FRMD4B: variants seen among roughly 807,000 people sequenced by gnomAD.
The protein encoded by FRMD4B is FERM domain containing 4B.
In FRMD4B, 74 loss-of-function variants were observed where a neutral mutation model predicts 141.5. The observed-to-expected ratio is 0.52, with a 90% CI of 0.43 to 0.63. FRMD4B has a LOEUF of 0.63. Among genes scored for constraint, FRMD4B ranks in the 30% least tolerant of loss-of-function variants. The probability of loss-of-function intolerance (pLI) is 0.00; values close to 1 mark genes in which losing one functional copy is unlikely to be tolerated. For synonymous variants in FRMD4B, 506 were observed against 467.9 expected (o/e 1.08, Z -1.05); for missense variants, 1,366 against 1,253.4 (o/e 1.09, Z -1.36).
chr3:69,287,804 T>C lies in FRMD4B; in HGVS notation c.449A>G (p.Asp150Gly), dbSNP rs1700740180. The C allele has an allele frequency of 6.3e-7, 1 of 1,598,410 alleles. No homozygotes were observed. ...GAAAAACAGCTCCACGGTGGTTTTA[T>C]CCTTTAAAAACGATATGCTCTCAAT... Reference protein sequence around the residue: ...FYIESISFLKDKTTVELFFLN... With the variant: ...FYIESISFLKGKTTVELFFLN... Residue 150 changes from aspartate to glycine, a missense_variant, in exon 5 of 23, where the codon GAT becomes GGT. Physicochemically the swap from Asp to Gly is moderately conservative, Grantham distance 94. Coordinates refer to ENST00000398540, the MANE Select transcript of FRMD4B (RefSeq NM_015123.3).
At chr3:69,335,262 C>G (rs917685779) in intron 1 of FRMD4B, among the ~76,000 whole-genome samples, 1 of 151,946 alleles carries the variant, frequency 6.6e-6, no homozygotes, top group Non-Finnish European at 1.5e-5. Flanking sequence ...TCAGCCTTGG[C>G]AGATCTGAGA....
At chr3:69,390,036 CAT>C (rs1393301456), upstream of FRMD4B, among the ~76,000 whole-genome samples, 5 of 152,080 alleles carry the variant, frequency 3.3e-5, no homozygotes, top group Non-Finnish European at 7.3e-5. Context: ...CAGCATTACT[CAT>C]ACACCTGGGA....
At chr3:69,481,652 C>G (rs1356099328) in intron 1 of FRMD4B, among the ~76,000 whole-genome samples, 1 of 152,192 alleles carries the variant, frequency 6.6e-6, no homozygotes, top group Non-Finnish European at 1.5e-5. Context: ...TTCTGGCTCA[C>G]TGACTTTTCC....
intron 2 of FRMD4B, among the ~76,000 whole-genome samples, chr3:69,416,813 G>A (rs1256436507): frequency 6.6e-6 from 1 of 152,106 alleles, no homozygotes; most frequent in East Asian, 1.9e-4. Flanking sequence ...TTGGTTTTCT[G>A]TTCCTGTGTT....
chr3:69,362,690 C>A (rs1244451138), intron 1 of FRMD4B, among the ~76,000 whole-genome samples: 5 of 107,964 alleles, frequency 4.6e-5, no homozygotes, highest in Non-Finnish European at 9.2e-5. Context: ...ACAACAACAA[C>A]AAAAAGCCAA....
chr3:69,277,861 T>C (rs1238768460), intron 5 of FRMD4B, among the ~76,000 whole-genome samples: 1 of 11,852 alleles, frequency 8.4e-5, no homozygotes, highest in Non-Finnish European at 2.3e-4. Context: ...CTTTCTTTCT[T>C]TTTTTTTTTC....
chr3:69,354,142 A>C (rs1376254314), intron 1 of FRMD4B, among the ~76,000 whole-genome samples: 1 of 152,220 alleles, frequency 6.6e-6, no homozygotes, highest in African/African-American at 2.4e-5. Context: ...GAACAACCTT[A>C]GTAAAATCAA....
chr3:69,318,273 C>A (rs1175322818), intron 1 of FRMD4B, among the ~76,000 whole-genome samples: 1 of 152,152 alleles, frequency 6.6e-6, no homozygotes, highest in Non-Finnish European at 1.5e-5. Context: ...TAGTACCCAG[C>A]CGGATTCTGC....
At chr3:69,502,311 A>G (rs1252139996) in intron 1 of FRMD4B, among the ~76,000 whole-genome samples, 1 of 152,234 alleles carries the variant, frequency 6.6e-6, no homozygotes, top group Non-Finnish European at 1.5e-5. Flanking sequence ...CCAAAACAGC[A>G]TAATAGTGGT....
chr3:69,197,855 A>C (rs2092924523), intron 12 of FRMD4B: 1 of 152,286 alleles, frequency 6.6e-6, no homozygotes, highest in Admixed American at 6.5e-5. Flanking sequence ...AATTTCTCTT[A>C]AGGCCGGGTG....
chr3:69,414,681 T>C (rs938938594), intron 2 of FRMD4B, among the ~76,000 whole-genome samples: 4 of 152,170 alleles, frequency 2.6e-5, no homozygotes, highest in Non-Finnish European at 4.4e-5. Flanking sequence ...ATTTCAACAC[T>C]ATCATGAGAG....
chr3:69,185,665 T>C (rs1328200041), intron 19 of FRMD4B, among the ~76,000 whole-genome samples: 1 of 152,176 alleles, frequency 6.6e-6, no homozygotes. Context: ...ATGACAGTAG[T>C]AACACTATCA....
At chr3:69,224,579 A>T in intron 8 of FRMD4B, 28 bp downstream of exon 8, 1 of 1,065,518 alleles carries the variant, frequency 9.4e-7, no homozygotes, top group Non-Finnish European at 1.4e-6. Flanking sequence ...TATGAAAATG[A>T]GACACCTGTT....
intron 1 of FRMD4B, among the ~76,000 whole-genome samples, chr3:69,335,481 C>A (rs1702514461): frequency 6.6e-6 from 1 of 150,704 alleles, no homozygotes; most frequent in East Asian, 2.0e-4. Flanking sequence ...AAGCAATTCT[C>A]CTGCTTCAGC....
chr3:69,291,199 C>T (rs557689776), intron 4 of FRMD4B, among the ~76,000 whole-genome samples: 2 of 152,200 alleles, frequency 1.3e-5, no homozygotes, highest in African/African-American at 2.4e-5. Flanking sequence ...ATTAGTAGAA[C>T]TCAACATCTG....
intron 1 of FRMD4B, among the ~76,000 whole-genome samples, chr3:69,469,082 A>C (rs1410323541): frequency 2.0e-5 from 3 of 152,220 alleles, no homozygotes; most frequent in Non-Finnish European, 4.4e-5. Flanking sequence ...AAATCCCTTT[A>C]AAAATAAAAC....
intron 7 of FRMD4B, among the ~76,000 whole-genome samples, chr3:69,244,899 C>T (rs753016253): frequency 6.6e-6 from 1 of 152,032 alleles, no homozygotes; most frequent in Non-Finnish European, 1.5e-5. Context: ...AGATGTTCAT[C>T]ACAGCATTAT....
At chr3:69,346,201 C>T (rs552868379) in intron 1 of FRMD4B, among the ~76,000 whole-genome samples, 5 of 151,806 alleles carry the variant, frequency 3.3e-5, no homozygotes, top group Non-Finnish European at 5.9e-5. Context: ...GCTCCAGTAG[C>T]GATTCGATCA....
chr3:69,260,229 C>G (rs1429481828), intron 5 of FRMD4B, among the ~76,000 whole-genome samples: 1 of 152,162 alleles, frequency 6.6e-6, no homozygotes, highest in African/African-American at 2.4e-5. Context: ...TTGGCTGAGG[C>G]CAGAGCTGGC....
Sources: allele counts gnomAD v4.1 joint callset (sites outside exome capture counted in the v4.1 genomes callset), GRCh38; gene constraint gnomAD v4.1.1; transcripts MANE v1.5; gene names NCBI Gene and HGNC (gene_info 2026-07-23, HGNC 2026-07-21).